The following ZCCHC7 variants were observed in gnomAD, a reference collection of about 807,000 sequenced individuals.
ZCCHC7 encodes zinc finger CCHC domain-containing protein 7.
A neutral mutation model predicts 52.0 loss-of-function variants in ZCCHC7; 35 were observed. That is an observed-to-expected ratio of 0.67 (90% CI 0.51 to 0.89). ZCCHC7 has a LOEUF of 0.89. ZCCHC7 is among the 40% of genes least tolerant of loss of function. ZCCHC7 has a pLI of 0.00. For synonymous variants in ZCCHC7, 217 were observed against 221.5 expected (o/e 0.98, Z 0.18); for missense variants, 574 against 649.1 (o/e 0.88, Z 1.26).
chr9:37,179,932 A>C lies in ZCCHC7; in HGVS notation c.610+52990A>C, dbSNP rs73646331. Among the ~76,000 whole-genome samples the C allele has an allele frequency of 7.4e-4, 113 of 152,290 alleles. 1 individual carries two copies. The highest frequency in any genetic ancestry group is 2.6e-3 in the African/African-American group (107 of 41,570). On this transcript the variant is annotated intron_variant, in intron 2 of 8. Coordinates refer to ENST00000336755, the MANE Select transcript of ZCCHC7 (RefSeq NM_032226.3). Reference sequence around the variant, plus strand: ...TTTGAGTTTAGAGTCCATAAGTATAAATTTAAGTCAAGTGCATAGTAAATT... The same window carrying C: ...TTTGAGTTTAGAGTCCATAAGTATACATTTAAGTCAAGTGCATAGTAAATT...
chr9:37,199,671 TC>T (rs1417421381), intron 2 of ZCCHC7, among the ~76,000 whole-genome samples: 3 of 61,844 alleles, frequency 4.9e-5, no homozygotes, highest in African/African-American at 2.5e-4. Flanking sequence ...TGTCTGTCTT[TC>T]TCTCTGTCTG....
intron 2 of ZCCHC7, among the ~76,000 whole-genome samples, chr9:37,263,524 CATT>C (rs1826961251): frequency 6.6e-6 from 1 of 152,040 alleles, no homozygotes; most frequent in African/African-American, 2.4e-5. Context: ...CAGTATAACT[CATT>C]ATTTACTAAG....
intron 7 of ZCCHC7, among the ~76,000 whole-genome samples, chr9:37,352,580 G>T (rs946003623): frequency 1.4e-5 from 2 of 145,372 alleles, no homozygotes; most frequent in East Asian, 4.0e-4. Context: ...GTGCAGTGGC[G>T]CAGTCTTGGC....
At chr9:37,292,450 G>T (rs1161467237) in intron 2 of ZCCHC7, among the ~76,000 whole-genome samples, 1 of 152,124 alleles carries the variant, frequency 6.6e-6, no homozygotes, top group African/African-American at 2.4e-5. Context: ...TTAAAATGTT[G>T]TGTAAGAAGA....
chr9:37,259,925 A>G (rs1017964740), intron 2 of ZCCHC7, among the ~76,000 whole-genome samples: 10 of 152,220 alleles, frequency 6.6e-5, no homozygotes, highest in African/African-American at 2.2e-4. Flanking sequence ...GTTCTCATAC[A>G]AAAATATTGT....
intron 6 of ZCCHC7, among the ~76,000 whole-genome samples, chr9:37,336,142 T>G (rs2118358389): frequency 6.6e-6 from 1 of 152,280 alleles, no homozygotes; most frequent in African/African-American, 2.4e-5. Context: ...AAAACTACTT[T>G]ATGCCTTCAC....
intron 6 of ZCCHC7, among the ~76,000 whole-genome samples, chr9:37,334,316 A>C (rs900989911): frequency 2.0e-5 from 3 of 151,974 alleles, no homozygotes; most frequent in African/African-American, 7.2e-5. Context: ...TCATTTTGGT[A>C]GTCATGCATG....
chr9:37,275,637 TTTC>T (rs921340370), intron 2 of ZCCHC7, among the ~76,000 whole-genome samples: 7 of 152,100 alleles, frequency 4.6e-5, no homozygotes, highest in African/African-American at 1.7e-4. Context: ...CAGACTCTTT[TTTC>T]TTTTCTTTTT....
intron 2 of ZCCHC7, among the ~76,000 whole-genome samples, chr9:37,292,412 AACT>A (rs1828583573): frequency 6.6e-6 from 1 of 152,162 alleles, no homozygotes; most frequent in South Asian, 2.1e-4. Flanking sequence ...TAAATGAAAC[AACT>A]AAACTGCTAT....
intron 2 of ZCCHC7, among the ~76,000 whole-genome samples, chr9:37,224,645 T>G (rs1394571401): frequency 6.6e-5 from 10 of 152,172 alleles, no homozygotes. Flanking sequence ...ACTGAGATCT[T>G]GGGCAGGTGG....
At chr9:37,190,756 G>T (rs1194548792) in intron 2 of ZCCHC7, among the ~76,000 whole-genome samples, 1 of 152,120 alleles carries the variant, frequency 6.6e-6, no homozygotes, top group East Asian at 1.9e-4. Flanking sequence ...GGTGGCTCAC[G>T]CCTGTAAATC....
In ZCCHC7 at chr9:37,211,853, C is replaced by T. The variant is rs548640077; in HGVS notation, c.610+84911C>T. Among the ~76,000 whole-genome samples the T allele has an allele frequency of 2.0e-5, 3 of 151,538 alleles. No homozygotes were observed. In the East Asian group the frequency reaches 5.8e-4, roughly 29 times the overall value. ...ACCATCCTGGCTAACACGGTGAAAC[C>T]CCATCTCTACTAAAAATACAAAAAA... On this transcript the variant is annotated intron_variant, in intron 2 of 8. Coordinates refer to ENST00000336755, the MANE Select transcript of ZCCHC7 (RefSeq NM_032226.3).
chr9:37,327,905 A>G, intron 6 of ZCCHC7, 71 bp downstream of exon 6: 1 of 1,497,374 alleles, frequency 6.7e-7, no homozygotes, highest in Non-Finnish European at 9.3e-7. Flanking sequence ...TGCTGACCAT[A>G]AAATATAGAC....
chr9:37,167,110 A>C (rs188352063), intron 2 of ZCCHC7, among the ~76,000 whole-genome samples: 3 of 152,164 alleles, frequency 2.0e-5, no homozygotes, highest in Non-Finnish European at 4.4e-5. Context: ...GTTGTCTCAC[A>C]TATCAGTGAT....
At chr9:37,189,494 C>T (rs1483080871) in intron 2 of ZCCHC7, among the ~76,000 whole-genome samples, 1 of 152,164 alleles carries the variant, frequency 6.6e-6, no homozygotes, top group Admixed American at 6.5e-5. Context: ...TCAAGCGATT[C>T]TCCTGCGTCA....
intron 2 of ZCCHC7, among the ~76,000 whole-genome samples, chr9:37,197,829 A>G (rs748013741): frequency 5.9e-5 from 9 of 152,218 alleles, no homozygotes; most frequent in Non-Finnish European, 1.2e-4. Flanking sequence ...TCTCTTTGGC[A>G]TAGCAGCCAA....
chr9:37,269,784 G>C (rs989746314), intron 2 of ZCCHC7, among the ~76,000 whole-genome samples: 2 of 152,106 alleles, frequency 1.3e-5, no homozygotes, highest in Non-Finnish European at 2.9e-5. Flanking sequence ...TATGGGAGAT[G>C]AGGAAGAGAA....
At chr9:37,249,491 A>G (rs1277852786) in intron 2 of ZCCHC7, among the ~76,000 whole-genome samples, 1 of 54,760 alleles carries the variant, frequency 1.8e-5, no homozygotes, top group Non-Finnish European at 3.5e-5. Flanking sequence ...GTTGTTGTTT[A>G]GACAGCGTCT....
chr9:37,319,742 A>G (rs967524801), intron 5 of ZCCHC7, among the ~76,000 whole-genome samples: 11 of 152,098 alleles, frequency 7.2e-5, no homozygotes, highest in Admixed American at 3.3e-4. Context: ...TCTCCTGTGT[A>G]TTCTTTCAGA....
Sources: gnomAD v4.1 joint callset for allele counts (sites outside exome capture counted in the v4.1 genomes callset) on GRCh38, gnomAD v4.1.1 for gene constraint, MANE v1.5 for transcripts, NCBI Gene and HGNC (gene_info 2026-07-23, HGNC 2026-07-21) for gene names.